Variants in WHAMM observed in about 807,000 individuals in gnomAD.
The protein encoded by WHAMM is WASP homolog-associated protein with actin, membranes and microtubules.
A neutral mutation model predicts 76.5 loss-of-function variants in WHAMM; 67 were observed. The observed-to-expected ratio is 0.88, with a 90% confidence interval of 0.72 to 1.07. WHAMM has a LOEUF of 1.07. Ranked by LOEUF, WHAMM falls within the 50% of genes least tolerant of loss-of-function variation. The pLI is 0.00. For missense variants in WHAMM, 1,021 were observed against 1,051.1 expected, an observed-to-expected ratio of 0.97 and a Z score of 0.40; for synonymous variants, 419 against 422.1, an observed-to-expected ratio of 0.99 and a Z score of 0.09.
rs1457241770 is a variant in WHAMM at position 82,823,367 on chromosome 15, A to T, written c.1458+80A>T. 6 of 1,227,980 alleles carry T rather than the reference A, an allele frequency of 4.9e-6. No homozygotes were observed. In the East Asian group the frequency reaches 1.5e-4, roughly 31 times the overall value. The allele number at this position is 1,227,980 out of a possible 1,614,324, so 76.1% of individuals were successfully genotyped here. A position where few individuals can be genotyped will look rare whatever the true frequency, so the allele number is the denominator to read the frequency against. On this transcript the variant is annotated intron_variant, in intron 6 of 9. Coordinates refer to ENST00000286760, the MANE Select transcript of WHAMM (RefSeq NM_001080435.3). ...GTATGAAGGATAAAGGTATTGAAAT[A>T]AGGTTTTTACCAACACAGTGATTAC...
intron 2 of WHAMM, among the ~76,000 whole-genome samples, chr15:82,815,142 TATATATATATATA>T (rs1158650053): frequency 0.034 from 1,460 of 43,174 alleles, 117 homozygotes; most frequent in African/African-American, 0.16. Flanking sequence ...TATATATATA[TATATATATATATA>T]GTACAATTCA....
intron 8 of WHAMM, among the ~76,000 whole-genome samples, chr15:82,830,343 C>A (rs1421473303): frequency 1.3e-5 from 2 of 151,868 alleles, no homozygotes; most frequent in Non-Finnish European, 2.9e-5. Flanking sequence ...GACTATTTTC[C>A]TCTATATGTA....
At chr15:82,831,366 A>G (rs1402276921) in intron 9 of WHAMM, among the ~76,000 whole-genome samples, 1 of 152,234 alleles carries the variant, frequency 6.6e-6, no homozygotes, top group African/African-American at 2.4e-5. Flanking sequence ...GTATCAACCT[A>G]TTTGAAGTTT....
rs938372578 is a variant in WHAMM at position 82,834,117 on chromosome 15, A to C, written c.*581A>C. 6.6e-6 allele frequency: 1 copy of C among 152,104 alleles called. No homozygotes were observed. Among genetic ancestry groups the C allele is most frequent in the Non-Finnish European group, 1.5e-5 (1 of 68,448 alleles). 9.4% of individuals were successfully genotyped at this position (152,104 alleles called of 1,614,324 possible). A position where few individuals can be genotyped will look rare whatever the true frequency, so the allele number is the denominator to read the frequency against. ...CAGTGGCACGATCTTGGCTTACTGC[A>C]ACCTCCACCTCCCAGGTTCAAGCAA... On this transcript the variant is annotated 3_prime_UTR_variant, in exon 10 of 10. Transcript: ENST00000286760.
At chr15:82,815,635 T>C (rs1266053935) in intron 2 of WHAMM, among the ~76,000 whole-genome samples, 1 of 152,206 alleles carries the variant, frequency 6.6e-6, no homozygotes, top group African/African-American at 2.4e-5. Context: ...TTTGAAAGAC[T>C]GCCAGACAGT....
In WHAMM at chr15:82,809,628, C is replaced by A. The variant is rs548031764; in HGVS notation, c.-99C>A. 1 of 1,103,666 alleles carries A rather than the reference C, an allele frequency of 9.1e-7. No homozygotes were observed. The highest frequency in any genetic ancestry group is 2.9e-5 in the South Asian group (1 of 34,836). 68.4% of individuals were successfully genotyped at this position (1,103,666 alleles called of 1,614,324 possible). ...CTGGGGCACTGACGCGGTTTCGATT[C>A]TAGCGAAAAATGATTTGGCTCGGAC... On this transcript the variant is annotated 5_prime_UTR_variant, in exon 1 of 10. Transcript: ENST00000286760.
chr15:82,811,705 A>T (rs1031661137), intron 1 of WHAMM, among the ~76,000 whole-genome samples: 1 of 152,220 alleles, frequency 6.6e-6, no homozygotes, highest in Non-Finnish European at 1.5e-5. Context: ...ACCAATTGCT[A>T]GTATTGCTAG....
Position 82,810,296 on chromosome 15 carries a change from G to T in WHAMM, c.570G>T (p.Leu190Phe), listed in dbSNP as rs1339697705. 5.2e-5 allele frequency: 70 copies of T among 1,345,042 alleles called. 1 individual carries two copies. The highest frequency in any genetic ancestry group is 6.4e-5 in the Non-Finnish European group (67 of 1,054,136). 83.3% of individuals were successfully genotyped at this position (1,345,042 alleles called of 1,614,324 possible). A position where few individuals can be genotyped will look rare whatever the true frequency, so the allele number is the denominator to read the frequency against. The change falls in exon 1 of 10, where the codon TTG becomes TTT. Residue 190 changes from leucine (L) to phenylalanine (F), a missense_variant. Physicochemically the swap from Leu to Phe is conservative, Grantham distance 22. Transcript: ENST00000286760. Reference protein sequence around the residue: ...ESPREFRERALRARWVEADAR... With the variant: ...ESPREFRERAFRARWVEADAR... ...CGCGCGAGTTCCGGGAGCGGGCCTT[G>T]CGCGCGCGGTGGGTCGAGGCGGACG...
At chr15:82,830,491 A>G (rs2051007702) in intron 8 of WHAMM, 108 bp from the exon 9 acceptor site, 1 of 1,485,806 alleles carries the variant, frequency 6.7e-7, no homozygotes, top group South Asian at 1.4e-5. Context: ...TTTGTGAATT[A>G]GACCATCCAT....
At chr15:82,832,792 T>A (rs2051051754) in intron 9 of WHAMM, among the ~76,000 whole-genome samples, 1 of 152,198 alleles carries the variant, frequency 6.6e-6, no homozygotes, top group Non-Finnish European at 1.5e-5. Context: ...CAGGATAAAT[T>A]TTTTTTAAAA....
In WHAMM at chr15:82,831,021, A is replaced by AGTGAC; in HGVS notation, c.2067_2068insACGTG (p.Cys690ThrfsTer30). ...TGAAAGATGACCAGCCACGTCCTCT[A>AGTGAC]GTGTGCGAATCACCTGCTGAGCGAC... On this transcript the variant is annotated frameshift_variant, in exon 9 of 10. Transcript: ENST00000286760. LOFTEE classifies it high-confidence loss of function. The AGTGAC allele has an allele frequency of 6.2e-7, 1 of 1,609,258 alleles. No individual in the cohort carries two copies. The highest frequency in any genetic ancestry group is 8.5e-7 in the Non-Finnish European group (1 of 1,179,674).
At chr15:82,819,185 GAA>G (rs1476036629) in intron 4 of WHAMM, 136 bp from the exon 5 acceptor site, 2 of 327,634 alleles carry the variant, frequency 6.1e-6, no homozygotes, top group African/African-American at 2.2e-5. Flanking sequence ...TAGATGAAAT[GAA>G]AAAGTGTTTC....
intron 5 of WHAMM, among the ~76,000 whole-genome samples, 195 bp downstream of exon 5, chr15:82,819,683 A>G (rs1026396685): frequency 1.3e-5 from 2 of 152,212 alleles, no homozygotes; most frequent in East Asian, 1.9e-4. Context: ...TATTACCCCA[A>G]TCCCATCATC....
At chr15:82,827,673 G>A (rs187030011) in intron 8 of WHAMM, among the ~76,000 whole-genome samples, 2 of 152,152 alleles carry the variant, frequency 1.3e-5, no homozygotes, top group Non-Finnish European at 2.9e-5. Flanking sequence ...AGTCAGGCAC[G>A]GTGGCTTACG....
intron 1 of WHAMM, among the ~76,000 whole-genome samples, chr15:82,812,727 C>T (rs575187112): frequency 1.9e-3 from 287 of 151,868 alleles, no homozygotes; most frequent in Middle Eastern, 3.4e-3. Context: ...GAGTTTCCTT[C>T]TTGTTGCCCA....
chr15:82,830,635 T>C lies in WHAMM; in HGVS notation c.1678T>C (p.Ser560Pro), dbSNP rs762068646. The C allele has an allele frequency of 6.8e-6, 11 of 1,613,734 alleles. No homozygotes were observed. The highest frequency in any genetic ancestry group is 1.7e-6 in the Non-Finnish European group (2 of 1,179,886). Residue 560 changes from serine to proline, a missense_variant, in exon 9 of 10, where the codon TCA (serine) becomes CCA (proline). Physicochemically the swap from Ser to Pro is moderately conservative, Grantham distance 74. Coordinates refer to ENST00000286760, the MANE Select transcript of WHAMM (RefSeq NM_001080435.3). The stretch of plus-strand genomic sequence containing the variant: ...TCAATCTGTCCGAAACACCTCTGGC[T>C]CAGAACCTGTGGCTCCAAACCTGCC... ...LAQSVRNTSG[S>P]EPVAPNLPSD...
chr15:82,830,469 A>ACAAGGAGT, intron 8 of WHAMM, 130 bp from the exon 9 acceptor site: 8 of 1,399,424 alleles, frequency 5.7e-6, no homozygotes, highest in Non-Finnish European at 7.7e-6. Context: ...GGCTGTACAA[A>ACAAGGAGT]CAAGGAGTCA....
At chr15:82,829,706 G>T (rs564772929) in intron 8 of WHAMM, among the ~76,000 whole-genome samples, 8 of 151,608 alleles carry the variant, frequency 5.3e-5, no homozygotes, top group East Asian at 3.9e-4. Flanking sequence ...GCATGGGGGG[G>T]GTGTGTGTGT....
chr15:82,821,168 T>A (rs1391444336), intron 5 of WHAMM, among the ~76,000 whole-genome samples: 1 of 152,214 alleles, frequency 6.6e-6, no homozygotes, highest in Non-Finnish European at 1.5e-5. Flanking sequence ...AAAAATAATA[T>A]CCTCTATTGT....
Sources: gnomAD v4.1 joint callset for allele counts (sites outside exome capture counted in the v4.1 genomes callset) on GRCh38, gnomAD v4.1.1 for gene constraint, MANE v1.5 for transcripts, NCBI Gene and HGNC (gene_info 2026-07-23, HGNC 2026-07-21) for gene names.